The following FKBP5 variants were observed in gnomAD, a reference collection of about 807,000 sequenced individuals.
The protein encoded by FKBP5 is peptidyl-prolyl cis-trans isomerase FKBP5.
Under a neutral mutation model 50.5 loss-of-function variants are expected in FKBP5, and 23 were observed. The ratio of observed to expected loss-of-function variants is 0.46; its 90% CI spans 0.33 to 0.65. The LOEUF (loss-of-function observed/expected upper bound fraction) is 0.65, where lower values mean the gene tolerates loss of function less well. FKBP5 is among the 30% of genes least tolerant of loss of function. FKBP5 has a pLI of 0.02. For synonymous variants in FKBP5, 176 were observed against 190.6 expected (o/e 0.92, Z 0.63); for missense variants, 411 against 553.1 (o/e 0.74, Z 2.58).
At chr6:35,585,108 C>G in intron 8 of FKBP5, 1 of 983,940 alleles carries the variant, frequency 1.0e-6, no homozygotes, top group African/African-American at 1.7e-5. Flanking sequence ...TTTTACTACA[C>G]TGAATCGATA....
At chr6:35,603,789 T>A (rs1415756446) in intron 5 of FKBP5, among the ~76,000 whole-genome samples, 1 of 151,872 alleles carries the variant, frequency 6.6e-6, no homozygotes, top group African/African-American at 2.4e-5. Flanking sequence ...ACTGCAACCA[T>A]CTGCCTCCCG....
chr6:35,603,844 T>C (rs539431884), intron 5 of FKBP5, among the ~76,000 whole-genome samples: 2 of 152,266 alleles, frequency 1.3e-5, no homozygotes, highest in Non-Finnish European at 2.9e-5. Flanking sequence ...TAGCTGGGAC[T>C]ACAGGCCCGC....
At chr6:35,690,062 T>G (rs373291163), upstream of FKBP5, among the ~76,000 whole-genome samples, 1 of 152,208 alleles carries the variant, frequency 6.6e-6, no homozygotes, top group Non-Finnish European at 1.5e-5. Flanking sequence ...TAATATCCCA[T>G]AGCCAGATTA....
intron 5 of FKBP5, among the ~76,000 whole-genome samples, chr6:35,613,335 C>T (rs984255288): frequency 1.3e-5 from 2 of 152,190 alleles, no homozygotes; most frequent in African/African-American, 4.8e-5. Flanking sequence ...CTGCCTCACC[C>T]TCCCAAGTAG....
upstream of FKBP5, among the ~76,000 whole-genome samples, chr6:35,692,490 A>G (rs1292049286): frequency 1.3e-5 from 2 of 152,148 alleles, no homozygotes; most frequent in Non-Finnish European, 2.9e-5. Context: ...GCAGCTTTGT[A>G]CATTAAGGTT....
At chr6:35,684,787 G>A (rs1765777171) in intron 1 of FKBP5, among the ~76,000 whole-genome samples, 1 of 152,148 alleles carries the variant, frequency 6.6e-6, no homozygotes, top group African/African-American at 2.4e-5. Flanking sequence ...AGCACTTTGG[G>A]AGGCCAAAGC....
chr6:35,665,257 T>C (rs911360599), intron 1 of FKBP5, among the ~76,000 whole-genome samples: 1 of 152,002 alleles, frequency 6.6e-6, no homozygotes, highest in Non-Finnish European at 1.5e-5. Flanking sequence ...ACTCAGGGTC[T>C]TCTGCTCCTT....
chr6:35,705,213 AATATATATATATAT>A (rs869253345), intron 2 of FKBP5, among the ~76,000 whole-genome samples: 1,219 of 71,108 alleles, frequency 0.017, 10 homozygotes, highest in Non-Finnish European at 0.024. Context: ...TATATGTACA[AATATATATATATAT>A]ATATATATAT....
Position 35,719,398 on chromosome 6 carries a change from T to C in FKBP5, c.-20+930A>G, listed in dbSNP as rs151014249. On this transcript the variant is annotated intron_variant, in intron 2 of 11. Coordinates refer to the FKBP5 transcript ENST00000536438. ...AATCTTGATCTAGGTGATGGTTACA[T>C]GGGCAGATATATTTGTCAAAATTCA... is the stretch of plus-strand genomic sequence containing the variant. 6.4e-3 allele frequency among the ~76,000 whole-genome samples: 974 copies of C among 152,286 alleles called. 13 individuals are homozygous for C. Among genetic ancestry groups the C allele is most frequent in the African/African-American group, 0.021 (887 of 41,554 alleles).
chr6:35,674,711 G>C (rs1308429334), intron 1 of FKBP5, among the ~76,000 whole-genome samples: 3 of 152,180 alleles, frequency 2.0e-5, no homozygotes, highest in East Asian at 1.9e-4. Context: ...CACGTCACTT[G>C]CTTAAGATGA....
intron 3 of FKBP5, among the ~76,000 whole-genome samples, chr6:35,623,746 C>T (rs1378591705): frequency 3.3e-5 from 5 of 150,916 alleles, no homozygotes; most frequent in Admixed American, 6.6e-5. Context: ...ATTTTCTTTT[C>T]TTCTTCTTTT....
At chr6:35,651,287 C>G (rs1581853253) in intron 1 of FKBP5, among the ~76,000 whole-genome samples, 1 of 152,234 alleles carries the variant, frequency 6.6e-6, no homozygotes, top group Non-Finnish European at 1.5e-5. Flanking sequence ...TAACATTAAA[C>G]ATGTATTACT....
rs769581083 is a variant in FKBP5 at position 35,620,145 on chromosome 6, G to C, written c.380C>G (p.Thr127Ser). 4 of 1,614,102 alleles carry C rather than the reference G, an allele frequency of 2.5e-6. No individual in the cohort carries two copies. In the East Asian group the frequency reaches 8.9e-5, roughly 36 times the overall value. ...GSLPKIPSNA[T>S]LFFEIELLDF... is the part of the protein sequence containing the mutation. ...ACACATACTTGCCTCAAAAAAGAGA[G>C]TTGCATTCGAGGGAATTTTAGGGAG... is the stretch of plus-strand genomic sequence containing the variant. The change falls in exon 4 of 11, where the codon ACT becomes AGT. Residue 127 changes from threonine to serine, a missense_variant. Thr to Ser is a moderately conservative substitution (Grantham distance 58). Coordinates refer to ENST00000357266, the MANE Select transcript of FKBP5 (RefSeq NM_004117.4).
At chr6:35,589,078 T>TTA (rs991971659) in intron 7 of FKBP5, among the ~76,000 whole-genome samples, 1 of 137,098 alleles carries the variant, frequency 7.3e-6, no homozygotes, top group Non-Finnish European at 1.6e-5. Context: ...GTGTATATAT[T>TTA]TATATATATA....
intron 1 of FKBP5, among the ~76,000 whole-genome samples, chr6:35,647,983 T>C (rs562683810): frequency 6.6e-6 from 1 of 152,294 alleles, no homozygotes; most frequent in South Asian, 2.1e-4. Context: ...ACTTCGGACA[T>C]TTTGGTATTA....
At chr6:35,603,504 T>G (rs1442488064) in intron 5 of FKBP5, among the ~76,000 whole-genome samples, 1 of 152,190 alleles carries the variant, frequency 6.6e-6, no homozygotes, top group East Asian at 1.9e-4. Flanking sequence ...TTTTCACTAA[T>G]TTATACAAAT....
At chr6:35,665,195 A>C (rs747616194) in intron 1 of FKBP5, among the ~76,000 whole-genome samples, 1 of 152,056 alleles carries the variant, frequency 6.6e-6, no homozygotes, top group Non-Finnish European at 1.5e-5. Flanking sequence ...TCTCTAATTC[A>C]TGGACCTTAA....
intron 1 of FKBP5, among the ~76,000 whole-genome samples, chr6:35,666,417 A>AAAAAAAAAAAAAAC (rs1233699469): frequency 6.8e-6 from 1 of 147,516 alleles, no homozygotes; most frequent in Non-Finnish European, 1.5e-5. Context: ...AAAAAAAAAA[A>AAAAAAAAAAAAAAC]AAGGAGGGGA....
At chr6:35,670,520 G>A (rs956090708) in intron 1 of FKBP5, among the ~76,000 whole-genome samples, 1 of 151,796 alleles carries the variant, frequency 6.6e-6, no homozygotes, top group Non-Finnish European at 1.5e-5. Context: ...GATCACTTGA[G>A]GTTAGAAGTT....
Sources: gnomAD v4.1 joint callset for allele counts (sites outside exome capture counted in the v4.1 genomes callset) on GRCh38, gnomAD v4.1.1 for gene constraint, MANE v1.5 for transcripts, NCBI Gene and HGNC (gene_info 2026-07-23, HGNC 2026-07-21) for gene names.